The following CENPP variants were observed in gnomAD, a reference collection of about 807,000 sequenced individuals.
The protein encoded by CENPP is centromere protein P.
A neutral mutation model predicts 35.6 loss-of-function variants in CENPP; 24 were observed. That is an observed-to-expected ratio of 0.67 (90% CI 0.49 to 0.95). CENPP has a LOEUF of 0.95. Among genes scored for constraint, CENPP ranks in the 40% least tolerant of loss-of-function variants. The pLI, the probability that CENPP is intolerant of heterozygous loss-of-function variation, is 0.00. For missense variants in CENPP, 332 were observed against 345.3 expected, an observed-to-expected ratio of 0.96 and a Z score of 0.31; for synonymous variants, 120 against 125.5, an observed-to-expected ratio of 0.96 and a Z score of 0.29.
chr9:92,469,769 AG>A (rs1845440745), intron 5 of CENPP, among the ~76,000 whole-genome samples: 1 of 152,028 alleles, frequency 6.6e-6, no homozygotes, highest in South Asian at 2.1e-4. Flanking sequence ...TGCTGAGGGG[AG>A]GCGGTGGCGG....
chr9:92,444,038 G>A (rs1440837894), intron 5 of CENPP, among the ~76,000 whole-genome samples: 1 of 152,076 alleles, frequency 6.6e-6, no homozygotes, highest in Non-Finnish European at 1.5e-5. Context: ...AAATAAACTC[G>A]ACATATATGA....
rs367707401 is a variant in CENPP at position 92,611,295 on chromosome 9, G to A, written c.565-19G>A. 2.1e-5 allele frequency: 33 copies of A among 1,606,562 alleles called. No individual in the cohort carries two copies. The highest frequency in any genetic ancestry group is 1.1e-4 in the East Asian group (5 of 44,796). ...TCCCCACCAGTGGATCTGTCTACCC[G>A]TTTCTTCTCCCCATGCAGGAAAAGT... On this transcript the variant is annotated intron_variant, in intron 5 of 7. Transcript: ENST00000375587.
chr9:92,545,555 C>G (rs966803612), intron 5 of CENPP, among the ~76,000 whole-genome samples: 3 of 152,198 alleles, frequency 2.0e-5, no homozygotes, highest in Admixed American at 1.3e-4. Flanking sequence ...CTTCAAGGCC[C>G]GAGCCTCCCC....
At chr9:92,360,953 C>G (rs934462862) in intron 4 of CENPP, among the ~76,000 whole-genome samples, 1 of 151,864 alleles carries the variant, frequency 6.6e-6, no homozygotes, top group Non-Finnish European at 1.5e-5. Flanking sequence ...GTGATCCGCC[C>G]GCCTCGGCCT....
intron 5 of CENPP, among the ~76,000 whole-genome samples, chr9:92,535,487 TTTC>T (rs1235592332): frequency 2.0e-5 from 3 of 152,154 alleles, no homozygotes; most frequent in Admixed American, 6.5e-5. Flanking sequence ...TTAACTTATT[TTTC>T]TTCATTTAAA....
At chr9:92,532,254 T>TC (rs1236829344) in intron 5 of CENPP, among the ~76,000 whole-genome samples, 1 of 151,964 alleles carries the variant, frequency 6.6e-6, no homozygotes, top group East Asian at 1.9e-4. Flanking sequence ...GTAATTTTTT[T>TC]TCTCTCACTG....
intron 5 of CENPP, among the ~76,000 whole-genome samples, chr9:92,535,620 A>G (rs867902646): frequency 6.6e-6 from 1 of 152,142 alleles, no homozygotes; most frequent in Non-Finnish European, 1.5e-5. Context: ...TTTAAAATGA[A>G]AAATATTTTG....
At position 92,560,868 on chromosome 9, in the gene CENPP, CTTT is replaced by C. The variant is rs58467942; in HGVS notation, c.565-50427_565-50425del. ...TCTATGCAGCCTTCCTTTTTCTTGT[CTTT>C]TTTTTTTTTTTTTTTTTTAAATTGG... On this transcript the variant is annotated intron_variant, in intron 5 of 7. Transcript: ENST00000375587. Among the ~76,000 whole-genome samples, 408 of 126,104 alleles carry C rather than the reference CTTT, an allele frequency of 3.2e-3. 3 individuals are homozygous for C. Among genetic ancestry groups the C allele is most frequent in the Middle Eastern group, 8.5e-3 (2 of 236 alleles). 82.7% of individuals were successfully genotyped at this position (126,104 alleles called of 152,430 possible).
chr9:92,516,115 A>G (rs569304655), intron 5 of CENPP, among the ~76,000 whole-genome samples: 43 of 149,716 alleles, frequency 2.9e-4, no homozygotes, highest in South Asian at 1.9e-3. Context: ...CCAGGCTGGA[A>G]TGCAGTGGCA....
At chr9:92,538,783 G>A (rs1849248637) in intron 5 of CENPP, among the ~76,000 whole-genome samples, 1 of 152,170 alleles carries the variant, frequency 6.6e-6, no homozygotes, top group Non-Finnish European at 1.5e-5. Flanking sequence ...CAGGAATGTG[G>A]TATTGGTCAC....
At chr9:92,347,022 A>G (rs1483843165) in intron 4 of CENPP, among the ~76,000 whole-genome samples, 1 of 152,108 alleles carries the variant, frequency 6.6e-6, no homozygotes, top group African/African-American at 2.4e-5. Flanking sequence ...GGGGTGGGAG[A>G]TATAGAACAC....
At chr9:92,356,981 T>C (rs1841605087) in intron 4 of CENPP, among the ~76,000 whole-genome samples, 1 of 152,172 alleles carries the variant, frequency 6.6e-6, no homozygotes, top group Non-Finnish European at 1.5e-5. Context: ...AAATGTAAAC[T>C]AATAATTCTT....
Position 92,615,913 on chromosome 9 carries a change from A to G in CENPP, c.*2764A>G, listed in dbSNP as rs1457079665. The G allele has an allele frequency of 2.5e-6, 4 of 1,614,086 alleles. No individual in the cohort carries two copies. The highest frequency in any genetic ancestry group is 2.2e-5 in the East Asian group (1 of 44,892). On this transcript the variant is annotated 3_prime_UTR_variant, in exon 8 of 8. Transcript: ENST00000375587. ...TCACGGCGTTGTCTTTGGCACGTAC[A>G]GTCTTTGAATAATAGTTGACGATCT... is the stretch of plus-strand genomic sequence containing the variant.
intron 5 of CENPP, among the ~76,000 whole-genome samples, chr9:92,582,955 A>G (rs1371229371): frequency 6.6e-6 from 1 of 152,028 alleles, no homozygotes; most frequent in Non-Finnish European, 1.5e-5. Flanking sequence ...ACTTTCTGTA[A>G]GTCTACTTTA....
intron 5 of CENPP, among the ~76,000 whole-genome samples, chr9:92,434,051 A>G (rs1844186750): frequency 6.6e-6 from 1 of 152,174 alleles, no homozygotes; most frequent in Non-Finnish European, 1.5e-5. Flanking sequence ...CTGAGCCAAG[A>G]TTGAAGTCAG....
intron 4 of CENPP, among the ~76,000 whole-genome samples, chr9:92,356,433 G>C (rs931835270): frequency 6.6e-6 from 1 of 152,178 alleles, no homozygotes; most frequent in Non-Finnish European, 1.5e-5. Flanking sequence ...GAAAATCGCT[G>C]CTATTCTGTT....
At chr9:92,518,744 C>G (rs1847881607) in intron 5 of CENPP, among the ~76,000 whole-genome samples, 1 of 152,036 alleles carries the variant, frequency 6.6e-6, no homozygotes, top group African/African-American at 2.4e-5. Context: ...CAAAAATTAG[C>G]CGAGTATGGT....
intron 5 of CENPP, among the ~76,000 whole-genome samples, chr9:92,568,278 C>T (rs954048829): frequency 6.6e-6 from 1 of 152,106 alleles, no homozygotes; most frequent in Admixed American, 6.6e-5. Flanking sequence ...ATGTTCCCCA[C>T]TCTGTGTCCA....
At chr9:92,435,626 G>A (rs997678779) in intron 5 of CENPP, among the ~76,000 whole-genome samples, 1 of 152,034 alleles carries the variant, frequency 6.6e-6, no homozygotes, top group African/African-American at 2.4e-5. Flanking sequence ...CAATTTTACA[G>A]TTTTGTTATT....
Sources: allele counts gnomAD v4.1 joint callset (sites outside exome capture counted in the v4.1 genomes callset), GRCh38; gene constraint gnomAD v4.1.1; transcripts MANE v1.5; gene names NCBI Gene and HGNC (gene_info 2026-07-23, HGNC 2026-07-21).